Variants in NT5DC4 observed in about 807,000 individuals in gnomAD.
NT5DC4 encodes the protein 5'-nucleotidase domain containing 4, also known as 5'-nucleotidase domain-containing protein 4.
In NT5DC4, 44 loss-of-function variants were observed where a neutral mutation model predicts 26.6. The observed-to-expected ratio is 1.65, with a 90% CI of 1.30 to 2.13. The LOEUF (loss-of-function observed/expected upper bound fraction) is 2.13, where lower values mean the gene tolerates loss of function less well. Ranked by LOEUF, NT5DC4 falls within the 30% of genes most tolerant of loss-of-function variation. NT5DC4 has a pLI of 0.00. For synonymous variants in NT5DC4, 157 were observed against 86.7 expected (o/e 1.81, Z -4.51); for missense variants, 399 against 228.1 (o/e 1.75, Z -4.83).
At position 112,725,251 on chromosome 2, in the gene NT5DC4, C is replaced by T. The variant is rs891965804; in HGVS notation, c.982+11C>T. 2.3e-5 allele frequency: 16 copies of T among 706,204 alleles called. No individual in the cohort carries two copies. The highest frequency in any genetic ancestry group is 6.0e-5 in the Admixed American group (3 of 49,724). 43.7% of individuals were successfully genotyped at this position (706,204 alleles called of 1,614,324 possible). A position where few individuals can be genotyped will look rare whatever the true frequency, so the allele number is the denominator to read the frequency against. ...CTGTCTACTCTGGAGGTACCAGCTC[C>T]CACCATGCCCCATCACTCCTTGGGC... On this transcript the variant is annotated intron_variant, in intron 12 of 16. Coordinates refer to ENST00000688554, the MANE Select transcript of NT5DC4 (RefSeq NM_001393655.1).
intron 7 of NT5DC4, 104 bp downstream of exon 7, chr2:112,723,278 A>G (rs1263859673): frequency 2.8e-6 from 2 of 707,258 alleles, no homozygotes; most frequent in African/African-American, 3.5e-5. Flanking sequence ...TCCTCTTCCT[A>G]CTGAGGACTG....
chr2:112,738,777 C>T, intron 16 of NT5DC4, 136 bp from the exon 17 acceptor site: 1 of 1,288,378 alleles, frequency 7.8e-7, no homozygotes, highest in African/African-American at 1.5e-5. Flanking sequence ...TATTTCTTGT[C>T]TTATGTTGGT....
chr2:112,724,729 A>ACAGATTTACC (rs1677464775), intron 10 of NT5DC4, 52 bp from the exon 11 acceptor site: 1 of 709,238 alleles, frequency 1.4e-6, no homozygotes, highest in Non-Finnish European at 2.6e-6. Flanking sequence ...TGGCTGTGGC[A>ACAGATTTACC]AGGTCAGATT....
At chr2:112,719,366 T>G (rs947548568), upstream of NT5DC4, among the ~76,000 whole-genome samples, 3 of 152,260 alleles carry the variant, frequency 2.0e-5, no homozygotes, top group African/African-American at 7.2e-5. Context: ...TCCATGGATA[T>G]GTTTTTCTGT....
Position 112,723,108 on chromosome 2 carries a change from C to A in NT5DC4, c.555C>A (p.Asn185Lys), listed in dbSNP as rs1388140464. The change falls in exon 7 of 17, where the codon AAC becomes AAA. Residue 185 changes from asparagine (N) to lysine (K), a missense_variant. Asn to Lys is a moderately conservative substitution (Grantham distance 94). Transcript: ENST00000688554. ...TNCDTGYQHGNLFMSFRSLFQ... is the reference protein window; with the variant it reads ...TNCDTGYQHGKLFMSFRSLFQ... ...GTGACACCGGCTATCAGCATGGGAA[C>A]CTCTTCATGTCCTTCCGAAGCCTCT... 2.8e-6 allele frequency: 2 copies of A among 716,802 alleles called. No individual in the cohort carries two copies. The highest frequency in any genetic ancestry group is 2.0e-5 in the Admixed American group (1 of 49,894). 44.4% of individuals were successfully genotyped at this position (716,802 alleles called of 1,614,324 possible).
At chr2:112,737,493 A>AT (rs2104826791) in intron 16 of NT5DC4, 1 of 152,274 alleles carries the variant, frequency 6.6e-6, no homozygotes, top group African/African-American at 2.4e-5. Flanking sequence ...ACACCTTTTC[A>AT]TATCTATACC....
At chr2:112,725,898 C>T (rs1464684104) in intron 13 of NT5DC4, among the ~76,000 whole-genome samples, 5 of 127,154 alleles carry the variant, frequency 3.9e-5, no homozygotes, top group African/African-American at 1.8e-4. Flanking sequence ...ACACACCTTC[C>T]ACCCAGGTAT....
At chr2:112,723,680 G>C (rs1310468547) in intron 8 of NT5DC4, 39 bp from the exon 9 acceptor site, 1 of 712,740 alleles carries the variant, frequency 1.4e-6, no homozygotes, top group Non-Finnish European at 2.6e-6. Flanking sequence ...GGCAGCTCTG[G>C]GAGTCCCACC....
At chr2:112,740,372 T>C (rs531188790), downstream of NT5DC4, among the ~76,000 whole-genome samples, 1 of 152,216 alleles carries the variant, frequency 6.6e-6, no homozygotes, top group Non-Finnish European at 1.5e-5. Context: ...CGCCCTGACA[T>C]AGCTCCTTAA....
At chr2:112,733,609 G>C (rs13036237) in intron 16 of NT5DC4, among the ~76,000 whole-genome samples, 61,521 of 152,136 alleles carry the variant, frequency 0.4, 14,841 homozygotes, top group East Asian at 0.69. Context: ...ACATGGACGA[G>C]GCTGCCTCCA....
chr2:112,739,657 T>C (rs1382127924), downstream of NT5DC4, among the ~76,000 whole-genome samples: 1 of 152,210 alleles, frequency 6.6e-6, no homozygotes, highest in South Asian at 2.1e-4. Flanking sequence ...AGATTCTTTC[T>C]AGCTTTTTCT....
At chr2:112,735,538 G>A (rs1679045794) in intron 16 of NT5DC4, among the ~76,000 whole-genome samples, 1 of 148,944 alleles carries the variant, frequency 6.7e-6, no homozygotes, top group African/African-American at 2.5e-5. Flanking sequence ...CCTCTAAAAA[G>A]CCATCCCCGA....
downstream of NT5DC4, among the ~76,000 whole-genome samples, chr2:112,740,429 C>T (rs546266119): frequency 5.9e-5 from 9 of 152,266 alleles, no homozygotes; most frequent in African/African-American, 1.7e-4. Flanking sequence ...AAAAATAAAA[C>T]GTTTCTGACT....
At chr2:112,722,975 G>A (rs1386144378) in intron 6 of NT5DC4, 106 bp from the exon 7 acceptor site, 37 of 405,018 alleles carry the variant, frequency 9.1e-5, no homozygotes, top group Non-Finnish European at 1.6e-4. Flanking sequence ...TAAGCCCAGT[G>A]AAGGCCCCAG....
chr2:112,733,222 G>A (rs1037568046), intron 16 of NT5DC4, among the ~76,000 whole-genome samples: 2 of 150,362 alleles, frequency 1.3e-5, no homozygotes, highest in Non-Finnish European at 3.0e-5. Context: ...TCATGGGTAG[G>A]AGGTAGGACA....
rs1373064086 is a variant in NT5DC4, at chr2:112,739,067, T to C, written c.*131T>C. 1.9e-6 allele frequency: 3 copies of C among 1,571,164 alleles called. No individual in the cohort carries two copies. In the African/African-American group the frequency reaches 4.1e-5, roughly 21 times the overall value. ...ATTTATTCTGAGAGACAGCAAGAGA[T>C]GCATTAAAAACCTTATCATTTAAAA... On this transcript the variant is annotated 3_prime_UTR_variant, in exon 17 of 17. Coordinates refer to ENST00000688554, the MANE Select transcript of NT5DC4 (RefSeq NM_001393655.1).
At chr2:112,720,879 T>C (rs1256144174), upstream of NT5DC4, among the ~76,000 whole-genome samples, 1 of 152,164 alleles carries the variant, frequency 6.6e-6, no homozygotes, top group Non-Finnish European at 1.5e-5. Flanking sequence ...GCTTTTGCTC[T>C]AGAGAAAAGG....
At chr2:112,723,975 G>T in intron 9 of NT5DC4, 119 bp from the exon 10 acceptor site, 1 of 704,178 alleles carries the variant, frequency 1.4e-6, no homozygotes, top group South Asian at 1.5e-5. Flanking sequence ...TCAGAAGAAT[G>T]AGCAACTTTC....
chr2:112,734,755 T>C (rs1417023687), intron 16 of NT5DC4, among the ~76,000 whole-genome samples: 2 of 152,222 alleles, frequency 1.3e-5, no homozygotes, highest in Non-Finnish European at 2.9e-5. Context: ...AGTGGTGTGA[T>C]CTCAGTTCAC....
Sources: gnomAD v4.1 joint callset for allele counts (sites outside exome capture counted in the v4.1 genomes callset) on GRCh38, gnomAD v4.1.1 for gene constraint, MANE v1.5 for transcripts, NCBI Gene and HGNC (gene_info 2026-07-23, HGNC 2026-07-21) for gene names.